Variants in TYSND1 observed in about 807,000 individuals in gnomAD.
TYSND1 encodes the protein peroxisomal leader peptide-processing protease.
A neutral mutation model predicts 37.2 loss-of-function variants in TYSND1; 30 were observed. The observed-to-expected ratio is 0.81, with a 90% CI of 0.60 to 1.09. The LOEUF is 1.09. Among genes scored for constraint, TYSND1 ranks in the 50% least tolerant of loss-of-function variants. TYSND1 has a pLI of 0.00. For missense variants in TYSND1, 806 were observed against 817.4 expected, an observed-to-expected ratio of 0.99 and a Z score of 0.17; for synonymous variants, 364 against 383.8, an observed-to-expected ratio of 0.95 and a Z score of 0.60.
At chr10:70,142,518 G>A (rs1410850494) in intron 3 of TYSND1, 150 bp downstream of exon 3, 8 of 699,908 alleles carry the variant, frequency 1.1e-5, no homozygotes, top group African/African-American at 5.4e-5. Context: ...CCACCATCAG[G>A]AGAACAGCCT....
intron 2 of TYSND1, 35 bp from the exon 3 acceptor site, chr10:70,142,888 A>C (rs1189000296): frequency 6.2e-7 from 1 of 1,606,172 alleles, no homozygotes; most frequent in Non-Finnish European, 8.5e-7. Flanking sequence ...AGCTGGGGAC[A>C]CCTGTGTTAC....
Position 70,142,865 on chromosome 10 carries a change from G to C in TYSND1, c.1298-12C>G. On this transcript the variant is annotated splice_polypyrimidine_tract_variant and intron_variant, in intron 2 of 3. Coordinates refer to ENST00000287078, the MANE Select transcript of TYSND1 (RefSeq NM_173555.4). The stretch of plus-strand genomic sequence containing the variant: ...ACTCACAGCCTCGCCTGCCAGGGAA[G>C]GAAGGAGGGTGAAGCTGGGGACACC... 1 of 1,612,022 alleles carries C rather than the reference G, an allele frequency of 6.2e-7. No individual in the cohort carries two copies. The highest frequency in any genetic ancestry group is 8.5e-7 in the Non-Finnish European group (1 of 1,178,616).
chr10:70,146,150 T>A lies in TYSND1; in HGVS notation c.437A>T (p.His146Leu). 6.4e-7 allele frequency: 1 copy of A among 1,553,342 alleles called. No individual in the cohort carries two copies. The change falls in exon 1 of 4, where the codon CAC becomes CTC. Residue 146 changes from histidine (H) to leucine (L), a missense_variant. His to Leu is a moderately conservative substitution (Grantham distance 99). This residue lies in a region of TYSND1 where 708 missense variants were observed against 705.4 expected (regional missense o/e 1.00). Transcript: ENST00000287078. Reference protein sequence around the residue: ...LLLSCPAFWAHFARLFGDEAA... With the variant: ...LLLSCPAFWALFARLFGDEAA... The stretch of plus-strand genomic sequence containing the variant: ...CTCGTCCCCGAAGAGGCGCGCGAAG[T>A]GGGCCCAGAAGGCCGGGCAGCTCAG...
chr10:70,144,231 TGTTA>T (rs895385175), intron 1 of TYSND1: 4 of 503,114 alleles, frequency 8.0e-6, no homozygotes, highest in Admixed American at 7.2e-5. Flanking sequence ...CCAGGTTTGG[TGTTA>T]GTGTTTTGTG....
At chr10:70,145,093 GGGTA>G (rs748804486) in intron 1 of TYSND1, among the ~76,000 whole-genome samples, 10 of 152,162 alleles carry the variant, frequency 6.6e-5, no homozygotes, top group Non-Finnish European at 7.3e-5. Context: ...GAGAACCGAG[GGGTA>G]TGGCGTGCAG....
In TYSND1 at chr10:70,139,134, T is replaced by A. The variant is rs2072718206; in HGVS notation, c.*790A>T. 1 of 151,880 alleles carries A rather than the reference T, an allele frequency of 6.6e-6. No individual in the cohort carries two copies. Among genetic ancestry groups the A allele is most frequent in the South Asian group, 2.1e-4 (1 of 4,806 alleles). The allele number at this position is 151,880 out of a possible 1,614,324, so 9.4% of individuals were successfully genotyped here. On this transcript the variant is annotated 3_prime_UTR_variant, in exon 4 of 4. Transcript: ENST00000287078. ...AAAAAAAAAAAGGAAAGGGTGTGTT[T>A]CTTTGCCTGGTACTTGCCTATTCCC... is the stretch of plus-strand genomic sequence containing the variant.
Position 70,142,667 on chromosome 10 carries a change from C to T in TYSND1, c.1483+1G>A, listed in dbSNP as rs112201764. 2 of 1,569,000 alleles carry T rather than the reference C, an allele frequency of 1.3e-6. No homozygotes were observed. Among genetic ancestry groups the T allele is most frequent in the East Asian group, 2.3e-5 (1 of 43,046 alleles). On this transcript the variant is annotated splice_donor_variant, in intron 3 of 3. Coordinates refer to ENST00000287078, the MANE Select transcript of TYSND1 (RefSeq NM_173555.4). LOFTEE classifies it high-confidence loss of function. Reference sequence around the variant, plus strand: ...CGGGAGGGGGCCAAAGAGCTGGTTACCAAGGAGGTTTCCTGAGTGGTTGGA... The same window carrying T: ...CGGGAGGGGGCCAAAGAGCTGGTTATCAAGGAGGTTTCCTGAGTGGTTGGA...
In TYSND1 at chr10:70,145,487, A is replaced by G; in HGVS notation, c.1100T>C (p.Val367Ala). The G allele has an allele frequency of 6.6e-7, 1 of 1,525,078 alleles. No homozygotes were observed. 94.5% of individuals were successfully genotyped at this position (1,525,078 alleles called of 1,614,324 possible). Residue 367 changes from valine (V) to alanine (A), a missense_variant, in exon 1 of 4, where the codon GTA becomes GCA. Physicochemically the swap from Val to Ala is moderately conservative, Grantham distance 64 (BLOSUM62 0). Coordinates refer to ENST00000287078, the MANE Select transcript of TYSND1 (RefSeq NM_173555.4). ...GSGVAVAPRL[V>A]VTCRHVSPRE... ...AGGGGACACGTGCCGACAGGTCACT[A>G]CAAGGCGGGGTGCCACAGCCACTCC... is the stretch of plus-strand genomic sequence containing the variant.
At position 70,145,684 on chromosome 10, in the gene TYSND1, G is replaced by A. The variant is rs1160556115; in HGVS notation, c.903C>T (p.Pro301=). 3 of 1,387,610 alleles carry A rather than the reference G, an allele frequency of 2.2e-6. No individual in the cohort carries two copies. In the African/African-American group the frequency reaches 4.6e-5, roughly 21 times the overall value. The allele number at this position is 1,387,610 out of a possible 1,614,324, so 86.0% of individuals were successfully genotyped here. ...VGFTLLCAAA[P]LFRAARDALH... ...GCGCGTCGCGGGCGGCGCGGAAAAG[G>A]GGGGCGGCGGCGCAGAGCAGCGTGA... The change falls in exon 1 of 4, where the codon CCC becomes CCT. Residue 301 remains proline, a synonymous_variant. Coordinates refer to ENST00000287078, the MANE Select transcript of TYSND1 (RefSeq NM_173555.4).
intron 3 of TYSND1, among the ~76,000 whole-genome samples, chr10:70,141,649 C>T (rs919856005): frequency 1.1e-4 from 17 of 152,116 alleles, no homozygotes; most frequent in Admixed American, 6.5e-4. Context: ...GTACTTCTGA[C>T]GTTCACCTTG....
chr10:70,140,257 C>CGTGGGGTGGTAT, intron 3 of TYSND1, 116 bp from the exon 4 acceptor site: 2 of 781,982 alleles, frequency 2.6e-6, no homozygotes, highest in Non-Finnish European at 4.1e-6. Flanking sequence ...CTGGATACCA[C>CGTGGGGTGGTAT]CCCACGTGGT....
Position 70,146,669 on chromosome 10 carries a change from T to G in TYSND1, c.-83A>C. 2 of 1,327,582 alleles carry G rather than the reference T, an allele frequency of 1.5e-6. No individual in the cohort carries two copies. The highest frequency in any genetic ancestry group is 1.6e-5 in the South Asian group (1 of 61,994). The allele number at this position is 1,327,582 out of a possible 1,614,324, so 82.2% of individuals were successfully genotyped here. A position where few individuals can be genotyped will look rare whatever the true frequency, so the allele number is the denominator to read the frequency against. ...GACCCCTACCCGGTCCGGCTGAAGC[T>G]GCCTAGCGCCACCCACAGCTGGAAG... On this transcript the variant is annotated 5_prime_UTR_variant, in exon 1 of 4. Coordinates refer to ENST00000287078, the MANE Select transcript of TYSND1 (RefSeq NM_173555.4).
At position 70,145,571 on chromosome 10, in the gene TYSND1, G is replaced by C. The variant is rs775424391; in HGVS notation, c.1016C>G (p.Ser339Cys). ...TGCCGCGGCTGCCCACAGGGGCCCG[G>C]AGTCTCGGAGGGGCAGACCCCACGG... Reference protein sequence around the residue: ...GVPWGLPLRDSGPLWAAAAVL... With the variant: ...GVPWGLPLRDCGPLWAAAAVL... Residue 339 changes from serine (S) to cysteine (C), a missense_variant, in exon 1 of 4, where the codon TCC (serine) becomes TGC (cysteine). Around this residue, in one of 3 missense-constraint regions of TYSND1, gnomAD observed 708 missense variants for 705.4 expected, o/e 1.00. Coordinates refer to ENST00000287078, the MANE Select transcript of TYSND1 (RefSeq NM_173555.4). 3.4e-6 allele frequency: 5 copies of C among 1,482,984 alleles called. No homozygotes were observed. In the East Asian group the frequency reaches 1.4e-4, roughly 42 times the overall value. The allele number at this position is 1,482,984 out of a possible 1,614,324, so 91.9% of individuals were successfully genotyped here.
chr10:70,145,695 C>T lies in TYSND1; in HGVS notation c.892G>A (p.Ala298Thr). ...GCGGCGCGGAAAAGGGGGGCGGCGG[C>T]GCAGAGCAGCGTGAAGCCCACCCAT... is the stretch of plus-strand genomic sequence containing the variant. ...GEWVGFTLLC[A>T]AAPLFRAARD... is the part of the protein sequence containing the mutation. The change falls in exon 1 of 4, where the codon GCC becomes ACC. Residue 298 changes from alanine (A) to threonine (T), a missense_variant. Ala to Thr is a moderately conservative substitution (Grantham distance 58). Transcript: ENST00000287078. 7.1e-7 allele frequency: 1 copy of T among 1,400,288 alleles called. No homozygotes were observed. Among genetic ancestry groups the T allele is most frequent in the Non-Finnish European group, 9.2e-7 (1 of 1,087,072 alleles). The allele number at this position is 1,400,288 out of a possible 1,614,324, so 86.7% of individuals were successfully genotyped here.
chr10:70,146,045 GCTCTCAGTTGATCCGCCT>G lies in TYSND1; in HGVS notation c.524_541del (p.Glu175_Arg180del), dbSNP rs562289648. 1.9e-3 allele frequency: 3,035 copies of G among 1,602,604 alleles called. 6 individuals are homozygous for G. Among genetic ancestry groups the G allele is most frequent in the Non-Finnish European group, 2.3e-3 (2,658 of 1,175,350 alleles). On this transcript the variant is annotated inframe_deletion, in exon 1 of 4. Coordinates refer to ENST00000287078, the MANE Select transcript of TYSND1 (RefSeq NM_173555.4). ...GCCCAGCAGCGCAAACCAGCCCAGC[GCTCTCAGTTGATCCGCCT>G]CCTCGTCCTCCGACACTTCGTCATC...
At chr10:70,142,878 A>T (rs1181631707) in intron 2 of TYSND1, 25 bp from the exon 3 acceptor site, 2 of 1,610,144 alleles carry the variant, frequency 1.2e-6, no homozygotes, top group Non-Finnish European at 1.7e-6. Context: ...AGGAGGGTGA[A>T]GCTGGGGACA....
chr10:70,139,887 A>G lies in TYSND1; in HGVS notation c.*37T>C, dbSNP rs1258285628. The G allele has an allele frequency of 3.2e-6, 5 of 1,586,282 alleles. No individual in the cohort carries two copies. Among genetic ancestry groups the G allele is most frequent in the Non-Finnish European group, 4.3e-6 (5 of 1,162,266 alleles). On this transcript the variant is annotated 3_prime_UTR_variant, in exon 4 of 4. Transcript: ENST00000287078. Reference sequence around the variant, plus strand: ...CTCAACATCACTTCCTACAGCAGAAAAAGGTCACTCTTCTTTCCAAAGGTG... The same window carrying G: ...CTCAACATCACTTCCTACAGCAGAAGAAGGTCACTCTTCTTTCCAAAGGTG...
Position 70,146,501 on chromosome 10 carries a change from G to A in TYSND1, c.86C>T (p.Ala29Val). 1 of 1,592,288 alleles carries A rather than the reference G, an allele frequency of 6.3e-7. No homozygotes were observed. Among genetic ancestry groups the A allele is most frequent in the Non-Finnish European group, 8.5e-7 (1 of 1,175,478 alleles). The change falls in exon 1 of 4, where the codon GCG (alanine) becomes GTG (valine). Residue 29 changes from alanine (A) to valine (V), a missense_variant. Around this residue, in one of 3 missense-constraint regions of TYSND1, gnomAD observed 84 missense variants for 79.0 expected, o/e 1.06. Transcript: ENST00000287078. ...TACCCCGCTGCAGCTCCACGGGCCC[G>A]CCTCGGGCTGTCCGGCCCGGGAGGC... ...VSASRAGQPE[A>V]GPWSCSGVIL...
intron 1 of TYSND1, 105 bp downstream of exon 1, chr10:70,145,316 T>A: frequency 9.0e-7 from 1 of 1,114,518 alleles, no homozygotes; most frequent in Non-Finnish European, 1.2e-6. Flanking sequence ...GCCCAAAGCA[T>A]CCGCGTGACA....
Sources: allele counts gnomAD v4.1 joint callset (sites outside exome capture counted in the v4.1 genomes callset), GRCh38; gene constraint gnomAD v4.1.1; regional missense constraint gnomAD v4.1.1; transcripts MANE v1.5; gene names NCBI Gene and HGNC (gene_info 2026-07-23, HGNC 2026-07-21).